The following CACNA2D3 variants were observed in gnomAD, a reference collection of about 807,000 sequenced individuals.
CACNA2D3 encodes voltage-dependent calcium channel subunit alpha-2/delta-3.
A neutral mutation model predicts 160.6 loss-of-function variants in CACNA2D3; 60 were observed. The observed-to-expected ratio is 0.37, with a 90% confidence interval of 0.30 to 0.46. The LOEUF (loss-of-function observed/expected upper bound fraction) is 0.46, where lower values mean the gene tolerates loss of function less well. CACNA2D3 is among the 20% of genes least tolerant of loss of function. CACNA2D3 has a pLI of 1.00. For missense variants in CACNA2D3, 1,205 were observed against 1,365.0 expected (o/e 0.88, Z 1.85); for synonymous variants, 558 against 492.9 (o/e 1.13, Z -1.75).
At position 54,938,221 on chromosome 3, in the gene CACNA2D3, C is replaced by G. The variant is rs988545686; in HGVS notation, c.2450-30229C>G. On this transcript the variant is annotated intron_variant, in intron 27 of 37. Transcript: ENST00000474759. ...AACCAGCCCTGCTGGGGCTCCAGTA[C>G]TGCCTGGATGGGACGTAACATTTCC... is the stretch of plus-strand genomic sequence containing the variant. Among the ~76,000 whole-genome samples the G allele has an allele frequency of 3.3e-4, 50 of 152,246 alleles. 1 individual carries two copies. Among genetic ancestry groups the G allele is most frequent in the African/African-American group, 9.6e-4 (40 of 41,472 alleles).
chr3:54,617,965 T>A (rs75321141), intron 9 of CACNA2D3, among the ~76,000 whole-genome samples: 1 of 150,752 alleles, frequency 6.6e-6, no homozygotes, highest in African/African-American at 2.5e-5. Flanking sequence ...TTTTTTTTTT[T>A]AATTGTTGTT....
intron 4 of CACNA2D3, among the ~76,000 whole-genome samples, chr3:54,496,272 A>G (rs985876025): frequency 1.3e-5 from 2 of 152,204 alleles, no homozygotes; most frequent in African/African-American, 4.8e-5. Flanking sequence ...TCCACAAGCA[A>G]TATATGAGAT....
intron 14 of CACNA2D3, among the ~76,000 whole-genome samples, chr3:54,822,341 C>T (rs956921324): frequency 4.4e-4 from 67 of 152,162 alleles, no homozygotes; most frequent in African/African-American, 1.4e-3. Context: ...CTGTAGCCAG[C>T]GTGAGAGGCT....
intron 11 of CACNA2D3, among the ~76,000 whole-genome samples, chr3:54,743,743 G>T (rs970579204): frequency 9.2e-5 from 14 of 152,274 alleles, no homozygotes; most frequent in Middle Eastern, 3.4e-3. Flanking sequence ...TGAACAAATG[G>T]CTGTCACCAC....
chr3:54,621,820 C>T (rs920101654), intron 9 of CACNA2D3, among the ~76,000 whole-genome samples: 3 of 152,150 alleles, frequency 2.0e-5, no homozygotes, highest in Non-Finnish European at 4.4e-5. Flanking sequence ...AGTTGCAACC[C>T]AGGAAGTGGG....
intron 35 of CACNA2D3, among the ~76,000 whole-genome samples, chr3:55,061,519 C>G (rs893467518): frequency 1.1e-4 from 16 of 152,170 alleles, no homozygotes; most frequent in African/African-American, 3.9e-4. Flanking sequence ...AGGCTCAACT[C>G]AAGCAAGCTT....
chr3:54,747,838 G>A (rs1266845370), intron 11 of CACNA2D3, among the ~76,000 whole-genome samples: 1 of 152,014 alleles, frequency 6.6e-6, no homozygotes, highest in Non-Finnish European at 1.5e-5. Context: ...CATCTTATCA[G>A]GAAGACCTTC....
intron 5 of CACNA2D3, among the ~76,000 whole-genome samples, chr3:54,555,707 G>A (rs911725634): frequency 6.6e-6 from 1 of 152,090 alleles, no homozygotes; most frequent in African/African-American, 2.4e-5. Context: ...TTCATGTCTC[G>A]GAAGGTAGAG....
intron 27 of CACNA2D3, among the ~76,000 whole-genome samples, chr3:54,931,231 T>A (rs1194379421): frequency 6.6e-6 from 1 of 152,138 alleles, no homozygotes; most frequent in Non-Finnish European, 1.5e-5. Flanking sequence ...AGCTAATGGG[T>A]TCCTGGCAAC....
intron 5 of CACNA2D3, among the ~76,000 whole-genome samples, chr3:54,531,711 G>C (rs1490192425): frequency 2.0e-5 from 3 of 152,188 alleles, no homozygotes; most frequent in Non-Finnish European, 4.4e-5. Context: ...CAGAGGGATT[G>C]GCTAGTTACT....
intron 17 of CACNA2D3, among the ~76,000 whole-genome samples, chr3:54,860,459 T>C (rs1449744273): frequency 6.6e-6 from 1 of 152,208 alleles, no homozygotes; most frequent in Non-Finnish European, 1.5e-5. Context: ...CCAGGATTGC[T>C]GCAGGTTTTT....
chr3:54,155,592 T>C (rs947629039), intron 2 of CACNA2D3, among the ~76,000 whole-genome samples: 1 of 152,250 alleles, frequency 6.6e-6, no homozygotes, highest in African/African-American at 2.4e-5. Context: ...GATTTTGTTT[T>C]ATTTTGATTG....
chr3:54,484,304 C>T (rs1382972250), intron 4 of CACNA2D3, among the ~76,000 whole-genome samples: 2 of 152,190 alleles, frequency 1.3e-5, no homozygotes, highest in African/African-American at 2.4e-5. Context: ...ACCCCCTCCC[C>T]GCGGACTGTA....
chr3:54,893,460 A>G lies in CACNA2D3; in HGVS notation c.2246+2010A>G, dbSNP rs991953640. On this transcript the variant is annotated intron_variant, in intron 25 of 37. Transcript: ENST00000474759. ...TTGCTTCATATAGAGGCACCTTGAC[A>G]TCTATTGTCTTAGGGTCTTACCTGC... Among the ~76,000 whole-genome samples the G allele has an allele frequency of 3.3e-5, 5 of 152,112 alleles. 1 individual carries two copies. Among genetic ancestry groups the G allele is most frequent in the Admixed American group, 1.3e-4 (2 of 15,272 alleles).
chr3:54,217,315 G>T (rs1193752466), intron 2 of CACNA2D3, among the ~76,000 whole-genome samples: 1 of 152,182 alleles, frequency 6.6e-6, no homozygotes, highest in African/African-American at 2.4e-5. Context: ...CAGTGGCAGT[G>T]TCCCTTCCCC....
chr3:54,764,264 C>T lies in CACNA2D3; in HGVS notation c.1293C>T (p.Val431=), dbSNP rs776410944. The T allele has an allele frequency of 1.9e-6, 3 of 1,613,832 alleles. No individual in the cohort carries two copies. In the South Asian group the frequency reaches 3.3e-5, roughly 18 times the overall value. The change falls in exon 13 of 38, where the codon GTC becomes GTT. Residue 431 remains valine, a synonymous_variant. Coordinates refer to ENST00000474759, the MANE Select transcript of CACNA2D3 (RefSeq NM_018398.3). ...CCTTGGCTGATGTGCAGGAGAATGTCATGGAATACCTTCACGTGCTTAGCC... is the reference window on the plus strand; with the variant it reads ...CCTTGGCTGATGTGCAGGAGAATGTTATGGAATACCTTCACGTGCTTAGCC... ...ISTLADVQEN[V]MEYLHVLSRP... is the part of the protein sequence containing the mutation.
At chr3:54,249,295 T>C (rs1702136905) in intron 2 of CACNA2D3, among the ~76,000 whole-genome samples, 1 of 152,136 alleles carries the variant, frequency 6.6e-6, no homozygotes, top group Non-Finnish European at 1.5e-5. Flanking sequence ...CATTCTTGGA[T>C]GAGATTAATA....
intron 35 of CACNA2D3, among the ~76,000 whole-genome samples, chr3:55,027,413 A>G (rs1416733240): frequency 6.6e-6 from 1 of 152,198 alleles, no homozygotes; most frequent in African/African-American, 2.4e-5. Context: ...AATGCAGTAT[A>G]TTAAGGAGGA....
At chr3:54,514,084 T>C (rs767765188) in intron 5 of CACNA2D3, among the ~76,000 whole-genome samples, 1 of 152,220 alleles carries the variant, frequency 6.6e-6, no homozygotes, top group Non-Finnish European at 1.5e-5. Context: ...AAATGAAAAC[T>C]AGTCTTATTT....
Sources: allele counts gnomAD v4.1 joint callset (sites outside exome capture counted in the v4.1 genomes callset), GRCh38; gene constraint gnomAD v4.1.1; transcripts MANE v1.5; gene names NCBI Gene and HGNC (gene_info 2026-07-23, HGNC 2026-07-21).